The following CACNB2 variants were observed in gnomAD, a reference collection of about 807,000 sequenced individuals.
CACNB2 encodes calcium voltage-gated channel auxiliary subunit beta 2.
A neutral mutation model predicts 73.3 loss-of-function variants in CACNB2; 42 were observed. That is an observed-to-expected ratio of 0.57 (90% CI 0.45 to 0.74). The LOEUF (loss-of-function observed/expected upper bound fraction) is 0.74. CACNB2 is among the 30% of genes least tolerant of loss of function. CACNB2 has a pLI of 0.00. For synonymous variants in CACNB2, 348 were observed against 310.3 expected, an observed-to-expected ratio of 1.12 and a Z score of -1.28; for missense variants, 940 against 853.0, an observed-to-expected ratio of 1.10 and a Z score of -1.27.
chr10:18,534,765 T>C (rs2053399882), intron 11 of CACNB2, among the ~76,000 whole-genome samples: 1 of 152,242 alleles, frequency 6.6e-6, no homozygotes, highest in South Asian at 2.1e-4. Context: ...GCTCCTGCTG[T>C]ATACCAAAAA....
intron 2 of CACNB2, among the ~76,000 whole-genome samples, chr10:18,368,690 G>C (rs1014803136): frequency 6.6e-6 from 1 of 151,986 alleles, no homozygotes; most frequent in South Asian, 2.1e-4. Context: ...ACTTGAAGGA[G>C]TATTTTAGGA....
In CACNB2 at chr10:18,498,415, G is replaced by A. The variant is rs1317419789; in HGVS notation, c.394G>A (p.Asp132Asn). The A allele has an allele frequency of 3.7e-6, 6 of 1,614,134 alleles. No homozygotes were observed. The highest frequency in any genetic ancestry group is 5.1e-6 in the Non-Finnish European group (6 of 1,179,966). Reference protein sequence around the residue: ...NVSYSAAHEDDVPVPGMAISF... With the variant: ...NVSYSAAHEDNVPVPGMAISF... ...CAGCTACAGTGCGGCCCATGAAGAT[G>A]ATGTTCCAGTGCCTGGCATGGCCAT... The change falls in exon 4 of 14, where the codon GAT (aspartate) becomes AAT (asparagine). Residue 132 changes from aspartate to asparagine, a missense_variant. Asp to Asn is a conservative substitution (Grantham distance 23). Transcript: ENST00000324631.
At position 18,481,190 on chromosome 10, in the gene CACNB2, C is replaced by T. The variant is rs567207646; in HGVS notation, c.334-17165C>T. 4.7e-3 allele frequency among the ~76,000 whole-genome samples: 283 copies of T among 60,260 alleles called. 3 individuals are homozygous for T. Among genetic ancestry groups the T allele is most frequent in the Middle Eastern group, 0.013 (1 of 78 alleles). 39.5% of individuals were successfully genotyped at this position (60,260 alleles called of 152,430 possible). A position where few individuals can be genotyped will look rare whatever the true frequency, so the allele number is the denominator to read the frequency against. On this transcript the variant is annotated intron_variant, in intron 3 of 13. Coordinates refer to ENST00000324631, the MANE Select transcript of CACNB2 (RefSeq NM_201596.3). ...ACCAAAACTGATAATATTACATCTT[C>T]GCTATATATATATATATATATATAT...
chr10:18,156,051 A>G (rs1312786907), intron 2 of CACNB2, among the ~76,000 whole-genome samples: 1 of 152,150 alleles, frequency 6.6e-6, no homozygotes, highest in African/African-American at 2.4e-5. Flanking sequence ...AATTAAAATT[A>G]TAAATATTAG....
At chr10:18,283,792 C>T (rs565008550) in intron 2 of CACNB2, among the ~76,000 whole-genome samples, 1 of 152,206 alleles carries the variant, frequency 6.6e-6, no homozygotes, top group East Asian at 1.9e-4. Context: ...ACATTGTGCA[C>T]ATGTACCCTA....
chr10:18,511,955 A>C (rs2050817747), intron 6 of CACNB2, among the ~76,000 whole-genome samples: 1 of 152,132 alleles, frequency 6.6e-6, no homozygotes, highest in African/African-American at 2.4e-5. Context: ...TTAAATTTTG[A>C]GTTTTTTAAT....
At chr10:18,223,042 A>T (rs1221835674) in intron 2 of CACNB2, among the ~76,000 whole-genome samples, 1 of 152,182 alleles carries the variant, frequency 6.6e-6, no homozygotes, top group Admixed American at 6.5e-5. Flanking sequence ...TGACTCAAAA[A>T]TCCCATCTGA....
intron 2 of CACNB2, among the ~76,000 whole-genome samples, chr10:18,350,036 G>T (rs2041640187): frequency 6.6e-6 from 1 of 152,136 alleles, no homozygotes; most frequent in South Asian, 2.1e-4. Context: ...CTGAGGTCAG[G>T]AGTTTGAGAC....
At chr10:18,537,158 T>C (rs1414875855) in intron 12 of CACNB2, among the ~76,000 whole-genome samples, 6 of 151,994 alleles carry the variant, frequency 3.9e-5, no homozygotes, top group Admixed American at 3.9e-4. Context: ...CTGCTAATTT[T>C]TGTATTCTTA....
intron 3 of CACNB2, among the ~76,000 whole-genome samples, chr10:18,483,424 G>A (rs547815598): frequency 3.3e-5 from 5 of 151,486 alleles, no homozygotes; most frequent in East Asian, 3.9e-4. Context: ...CCAGCTACTC[G>A]GGAGGCTGAG....
At chr10:18,152,725 A>C (rs1003364124) in intron 2 of CACNB2, among the ~76,000 whole-genome samples, 24 of 129,920 alleles carry the variant, frequency 1.8e-4, no homozygotes, top group South Asian at 1.2e-3. Flanking sequence ...AAAAAAAAAA[A>C]AAAAAAACAA....
intron 2 of CACNB2, among the ~76,000 whole-genome samples, chr10:18,298,360 ACT>A (rs1015805047): frequency 2.0e-5 from 3 of 147,176 alleles, no homozygotes; most frequent in Non-Finnish European, 4.5e-5. Flanking sequence ...AAAGAGCGAA[ACT>A]CTGTCTCAAA....
intron 3 of CACNB2, among the ~76,000 whole-genome samples, chr10:18,462,781 C>T (rs930005317): frequency 1.3e-5 from 2 of 151,202 alleles, no homozygotes; most frequent in East Asian, 3.9e-4. Flanking sequence ...ATTTTTGAGA[C>T]AGAATCTCAC....
At chr10:18,152,720 A>C (rs1254445153) in intron 2 of CACNB2, among the ~76,000 whole-genome samples, 9 of 132,558 alleles carry the variant, frequency 6.8e-5, no homozygotes, top group South Asian at 2.3e-4. Flanking sequence ...AAAAAAAAAA[A>C]AAAAAAAAAA....
intron 2 of CACNB2, among the ~76,000 whole-genome samples, chr10:18,290,919 G>A (rs942202169): frequency 6.6e-6 from 1 of 152,228 alleles, no homozygotes; most frequent in African/African-American, 2.4e-5. Flanking sequence ...AACAAAGGGC[G>A]GAGCGCCAGC....
intron 3 of CACNB2, among the ~76,000 whole-genome samples, chr10:18,445,940 AG>A (rs2046711995): frequency 1.3e-5 from 2 of 152,220 alleles, no homozygotes; most frequent in Admixed American, 6.5e-5. Context: ...AGGCTGAGGC[AG>A]GAGAATCGCT....
At chr10:18,208,005 CAA>C (rs1357452144) in intron 2 of CACNB2, among the ~76,000 whole-genome samples, 10 of 152,198 alleles carry the variant, frequency 6.6e-5, no homozygotes, top group Non-Finnish European at 1.3e-4. Context: ...TAAAAAATCT[CAA>C]GTTTCTATTT....
chr10:18,248,410 A>G (rs1368260777), intron 2 of CACNB2, among the ~76,000 whole-genome samples: 3 of 152,226 alleles, frequency 2.0e-5, no homozygotes, highest in East Asian at 1.9e-4. Context: ...CATTTTTTGA[A>G]GTATTTTGTC....
chr10:18,179,564 T>G (rs1465118847), intron 2 of CACNB2, among the ~76,000 whole-genome samples: 14 of 152,178 alleles, frequency 9.2e-5, no homozygotes, highest in African/African-American at 3.4e-4. Context: ...TCATTAAATT[T>G]TTTAGGATCT....
Sources: gnomAD v4.1 joint callset for allele counts (sites outside exome capture counted in the v4.1 genomes callset) on GRCh38, gnomAD v4.1.1 for gene constraint, MANE v1.5 for transcripts, NCBI Gene and HGNC (gene_info 2026-07-23, HGNC 2026-07-21) for gene names.